The following SNRNP200 variants were observed in gnomAD, a reference collection of about 807,000 sequenced individuals.
SNRNP200 encodes U5 small nuclear ribonucleoprotein 200 kDa helicase.
SNRNP200 carries 66 observed loss-of-function variants against 255.2 expected under a neutral mutation model. That is an observed-to-expected ratio of 0.26 (90% CI 0.21 to 0.32). The LOEUF is 0.32. SNRNP200 is among the 10% of genes least tolerant of loss of function. SNRNP200 has a pLI of 1.00. For synonymous variants in SNRNP200, 939 were observed against 1,027.8 expected (o/e 0.91, Z 1.65); for missense variants, 1,585 against 2,749.8 (o/e 0.58, Z 9.47).
Position 96,283,567 on chromosome 2 carries a change from G to A in SNRNP200, c.4731C>T (p.Leu1577=), listed in dbSNP as rs2063821361. The stretch of plus-strand genomic sequence containing the variant: ...GTTGGATGTCTGCTGCACAGGTGGT[G>A]AGGATGTCAATGGCAGTGAGGCGGG... ...KQTRLTAIDI[L]TTCAADIQRQ... is the part of the protein sequence containing the mutation. Residue 1577 remains leucine, a synonymous_variant, in exon 33 of 45, where the codon CTC becomes CTT. Coordinates refer to ENST00000323853, the MANE Select transcript of SNRNP200 (RefSeq NM_014014.5). This position sits in a 1 kb window ranked among gnomAD's most constrained non-coding sequence, Gnocchi z 4.7. 6.2e-7 allele frequency: 1 copy of A among 1,614,128 alleles called. No homozygotes were observed. The highest frequency in any genetic ancestry group is 1.1e-5 in the South Asian group (1 of 91,076).
Position 96,278,469 on chromosome 2 carries a change from G to A in SNRNP200, c.5488+78C>T, listed in dbSNP as rs577382199. ...TGTCATCCCGCTGACAAACACGGGC[G>A]CACCTCTCATCCCAGTGGGCTCCTG... On this transcript the variant is annotated intron_variant, in intron 38 of 44. Coordinates refer to ENST00000323853, the MANE Select transcript of SNRNP200 (RefSeq NM_014014.5). This position sits in a 1 kb window ranked among gnomAD's most constrained non-coding sequence, Gnocchi z 6.9. 4.0e-5 allele frequency: 65 copies of A among 1,609,624 alleles called. No individual in the cohort carries two copies. Among genetic ancestry groups the A allele is most frequent in the East Asian group, 1.1e-4 (5 of 44,866 alleles).
Position 96,277,413 on chromosome 2 carries a change from G to A in SNRNP200, c.5931+126C>T, listed in dbSNP as rs916771932. On this transcript the variant is annotated intron_variant, in intron 41 of 44. Transcript: ENST00000323853. This position sits in a 1 kb window ranked among gnomAD's most constrained non-coding sequence, Gnocchi z 4.4. Reference sequence around the variant, plus strand: ...AGGCTCTCTAGCATCTCAACAGGGAGCACCTTCGGAGGAACCATAACTAAA... The same window carrying A: ...AGGCTCTCTAGCATCTCAACAGGGAACACCTTCGGAGGAACCATAACTAAA... 3 of 1,319,754 alleles carry A rather than the reference G, an allele frequency of 2.3e-6. No individual in the cohort carries two copies. Among genetic ancestry groups the A allele is most frequent in the African/African-American group, 2.9e-5 (2 of 69,300 alleles). The allele number at this position is 1,319,754 out of a possible 1,614,324, so 81.8% of individuals were successfully genotyped here.
In SNRNP200 at chr2:96,289,871, C is replaced by G; in HGVS notation, c.2868G>C (p.Leu956=). The G allele has an allele frequency of 6.2e-7, 1 of 1,614,168 alleles. No homozygotes were observed. Among genetic ancestry groups the G allele is most frequent in the Middle Eastern group, 1.7e-4 (1 of 6,058 alleles). Reference sequence around the variant, plus strand: ...CCAGCATCAGGGCAGCTGTATGAACCAGATCTAGTCGGCGCTGGTCCAGCA... The same window carrying G: ...CCAGCATCAGGGCAGCTGTATGAACGAGATCTAGTCGGCGCTGGTCCAGCA... The part of the protein sequence containing the change: ...DPLLDQRRLD[L]VHTAALMLDK... The change falls in exon 21 of 45, where the codon CTG becomes CTC. Residue 956 remains leucine (L), a synonymous_variant. Coordinates refer to ENST00000323853, the MANE Select transcript of SNRNP200 (RefSeq NM_014014.5).
chr2:96,304,963 T>C lies in SNRNP200; in HGVS notation c.46-95A>G, dbSNP rs926826535. On this transcript the variant is annotated intron_variant, in intron 1 of 44. Coordinates refer to ENST00000323853, the MANE Select transcript of SNRNP200 (RefSeq NM_014014.5). ...AGCTGATGGAAAAAATCGTAGTAAC[T>C]AGTTGCTTATCATCACTAATCGTAA... The C allele has an allele frequency of 4.4e-6, 6 of 1,349,026 alleles. No homozygotes were observed. In the African/African-American group the frequency reaches 5.8e-5, roughly 13 times the overall value. 83.6% of individuals were successfully genotyped at this position (1,349,026 alleles called of 1,614,324 possible).
In SNRNP200 at chr2:96,291,739, G is replaced by T. The variant is rs761148767; in HGVS notation, c.2310+12C>A. On this transcript the variant is annotated intron_variant, in intron 17 of 44. Coordinates refer to ENST00000323853, the MANE Select transcript of SNRNP200 (RefSeq NM_014014.5). This position sits in a 1 kb window ranked among gnomAD's most constrained non-coding sequence, Gnocchi z 4.2. ...AGGTAGGAATGAGAGAACCCAGCTG[G>T]CCCCTCCTCACCTTGCACTGCTCAG... The T allele has an allele frequency of 1.9e-6, 3 of 1,613,822 alleles. No homozygotes were observed. The highest frequency in any genetic ancestry group is 2.2e-5 in the South Asian group (2 of 91,082).
Position 96,274,860 on chromosome 2 carries a change from GA to G in SNRNP200, c.*151del. Reference sequence around the variant, plus strand: ...GTCACTGGATCCAGAGTGAGCAAGGGAAAGGAAGTGGAGGTAGGCGGGGACA... The same window carrying G: ...GTCACTGGATCCAGAGTGAGCAAGGGAAGGAAGTGGAGGTAGGCGGGGACA... On this transcript the variant is annotated 3_prime_UTR_variant, in exon 45 of 45. Coordinates refer to ENST00000323853, the MANE Select transcript of SNRNP200 (RefSeq NM_014014.5). 1 of 816,552 alleles carries G rather than the reference GA, an allele frequency of 1.2e-6. No individual in the cohort carries two copies. The highest frequency in any genetic ancestry group is 2.1e-6 in the Non-Finnish European group (1 of 473,470). The allele number at this position is 816,552 out of a possible 1,614,324, so 50.6% of individuals were successfully genotyped here.
At position 96,305,497 on chromosome 2, in the gene SNRNP200, C is replaced by T; in HGVS notation, c.-60G>A. ...CCTCCCTACCGCAAGCTGCAAACGG[C>T]CGCAGATCTCTGCTCCCGCCGCGCC... is the stretch of plus-strand genomic sequence containing the variant. On this transcript the variant is annotated 5_prime_UTR_variant, in exon 1 of 45. Transcript: ENST00000323853. The T allele has an allele frequency of 3.1e-6, 5 of 1,608,000 alleles. 1 individual carries two copies. The highest frequency in any genetic ancestry group is 1.7e-4 in the Middle Eastern group (1 of 6,052).
At position 96,286,368 on chromosome 2, in the gene SNRNP200, C is replaced by A. The variant is rs767345815; in HGVS notation, c.3946G>T (p.Ala1316Ser). 4 of 1,614,182 alleles carry A rather than the reference C, an allele frequency of 2.5e-6. No individual in the cohort carries two copies. The highest frequency in any genetic ancestry group is 1.7e-5 in the Admixed American group (1 of 60,018). ...PLPVSALRNS[A>S]FESLYQDKFP... is the part of the protein sequence containing the mutation. ...TTATCTTGGTAAAGACTCTCAAAGGCACTGTTTCTCAGAGCAGACACGGGC... is the reference window on the plus strand; with the variant it reads ...TTATCTTGGTAAAGACTCTCAAAGGAACTGTTTCTCAGAGCAGACACGGGC... The change falls in exon 29 of 45, where the codon GCC (alanine) becomes TCC (serine). Residue 1316 changes from alanine (A) to serine (S), a missense_variant. Physicochemically the swap from Ala to Ser is moderately conservative, Grantham distance 99. Around this residue, in one of 9 missense-constraint regions of SNRNP200, gnomAD observed 719 missense variants for 1,091.1 expected, o/e 0.66. Transcript: ENST00000323853. The surrounding 1 kb of genome is among the most constrained non-coding windows in gnomAD (Gnocchi z 4.8).
In SNRNP200 at chr2:96,290,823, G is replaced by A. The variant is rs79583389; in HGVS notation, c.2422-8C>T. On this transcript the variant is annotated splice_region_variant and splice_polypyrimidine_tract_variant and intron_variant, in intron 18 of 44. Transcript: ENST00000323853. The surrounding 1 kb of genome is among the most constrained non-coding windows in gnomAD (Gnocchi z 4.5). ...TGCTGTGGAAACTAAAACCTACAGAGGCAAAACAAGGTAATGAGGAGAACA... is the reference window on the plus strand; with the variant it reads ...TGCTGTGGAAACTAAAACCTACAGAAGCAAAACAAGGTAATGAGGAGAACA... 7,308 of 1,614,070 alleles carry A rather than the reference G, an allele frequency of 4.5e-3. 300 individuals carry two copies. In the African/African-American group the frequency reaches 0.088, roughly 20 times the overall value.
intron 35 of SNRNP200, among the ~76,000 whole-genome samples, chr2:96,280,136 T>C (rs1684735044): frequency 6.6e-6 from 1 of 152,138 alleles, no homozygotes; most frequent in Admixed American, 6.6e-5. Flanking sequence ...TAGAAGCAGG[T>C]TCAAACATTA....
At position 96,283,800 on chromosome 2, in the gene SNRNP200, G is replaced by A. The variant is rs1416233236; in HGVS notation, c.4584+13C>T. ...GTGACACCCCACAGACGGATGAGGA[G>A]AGTGGGTCCTACCTGGATGTGCAGC... On this transcript the variant is annotated intron_variant, in intron 32 of 44. Transcript: ENST00000323853. This position sits in a 1 kb window ranked among gnomAD's most constrained non-coding sequence, Gnocchi z 4.7. 1 of 1,613,600 alleles carries A rather than the reference G, an allele frequency of 6.2e-7. No individual in the cohort carries two copies. Among genetic ancestry groups the A allele is most frequent in the South Asian group, 1.1e-5 (1 of 91,050 alleles).
At chr2:96,295,742 G>A in intron 13 of SNRNP200, 84 bp from the exon 14 acceptor site, 2 of 1,413,662 alleles carry the variant, frequency 1.4e-6, no homozygotes, top group Middle Eastern at 1.8e-4. Flanking sequence ...GGAGTGTAGG[G>A]CATTGGGAGC....
Position 96,291,443 on chromosome 2 carries a change from G to C in SNRNP200, c.2370C>G (p.Thr790=). 6.2e-7 allele frequency: 1 copy of C among 1,613,280 alleles called. No individual in the cohort carries two copies. Among genetic ancestry groups the C allele is most frequent in the Non-Finnish European group, 8.5e-7 (1 of 1,179,256 alleles). ...CCTCCACGAGTGTTCGGTCAACCCT[G>C]GTCATGCCTGCGTGATGAATAGCAA... ...YGFAIHHAGM[T]RVDRTLVEDL... Residue 790 remains threonine, a synonymous_variant, in exon 18 of 45, where the codon ACC becomes ACG. Coordinates refer to ENST00000323853, the MANE Select transcript of SNRNP200 (RefSeq NM_014014.5). This position sits in a 1 kb window ranked among gnomAD's most constrained non-coding sequence, Gnocchi z 4.2.
At chr2:96,301,889 G>A (rs2063954925) in intron 3 of SNRNP200, among the ~76,000 whole-genome samples, 173 bp from the exon 4 acceptor site, 1 of 152,218 alleles carries the variant, frequency 6.6e-6, no homozygotes, top group African/African-American at 2.4e-5. Flanking sequence ...AGACTTGTCT[G>A]TTTTTAAAAA....
rs547311111 is a variant in SNRNP200 at position 96,283,011 on chromosome 2, G to A, written c.4915+190C>T. On this transcript the variant is annotated intron_variant, in intron 34 of 44. Transcript: ENST00000323853. The surrounding 1 kb of genome is among the most constrained non-coding windows in gnomAD (Gnocchi z 4.7). ...CCTGTTTTCTCACCTGGCAAGTAGGGATAGTGTTTGTCTCACCTGCCTCAC... is the reference window on the plus strand; with the variant it reads ...CCTGTTTTCTCACCTGGCAAGTAGGAATAGTGTTTGTCTCACCTGCCTCAC... 1.4e-6 allele frequency: 1 copy of A among 706,258 alleles called. No individual in the cohort carries two copies. Among genetic ancestry groups the A allele is most frequent in the Non-Finnish European group, 2.5e-6 (1 of 405,958 alleles). The allele number at this position is 706,258 out of a possible 1,614,324, so 43.7% of individuals were successfully genotyped here. A position where few individuals can be genotyped will look rare whatever the true frequency, so the allele number is the denominator to read the frequency against.
intron 31 of SNRNP200, 89 bp downstream of exon 31, chr2:96,284,269 C>A: frequency 8.4e-7 from 1 of 1,186,768 alleles, no homozygotes; most frequent in East Asian, 2.3e-5. Flanking sequence ...AGCCCCGAGC[C>A]TCCGTCCTCA....
intron 4 of SNRNP200, 91 bp downstream of exon 4, chr2:96,301,433 T>G: frequency 7.5e-7 from 1 of 1,334,252 alleles, no homozygotes; most frequent in Non-Finnish European, 1.1e-6. Flanking sequence ...TCACTGACAT[T>G]AAGGTTTTTA....
intron 29 of SNRNP200, among the ~76,000 whole-genome samples, chr2:96,285,994 A>T (rs1041975549): frequency 1.3e-5 from 2 of 152,212 alleles, no homozygotes; most frequent in Non-Finnish European, 2.9e-5. Flanking sequence ...TGATGTGGTG[A>T]GGAGGCTTCA....
Position 96,290,051 on chromosome 2 carries a change from A to G in SNRNP200, c.2743-55T>C. The G allele has an allele frequency of 4.6e-6, 7 of 1,524,792 alleles. No homozygotes were observed. The highest frequency in any genetic ancestry group is 6.4e-6 in the Non-Finnish European group (7 of 1,099,050). 94.5% of individuals were successfully genotyped at this position (1,524,792 alleles called of 1,614,324 possible). ...TGGAGAAACTCTTGATGTCCAAATGACAGGCTCCCATGAATTGCTTAGAAA... is the reference window on the plus strand; with the variant it reads ...TGGAGAAACTCTTGATGTCCAAATGGCAGGCTCCCATGAATTGCTTAGAAA... On this transcript the variant is annotated intron_variant, in intron 20 of 44. Transcript: ENST00000323853. The surrounding 1 kb of genome is among the most constrained non-coding windows in gnomAD (Gnocchi z 4.5).
Sources: gnomAD v4.1 joint callset for allele counts (sites outside exome capture counted in the v4.1 genomes callset) on GRCh38, gnomAD v4.1.1 for gene constraint, gnomAD v4.1.1 regional missense constraint, Gnocchi (gnomAD v3.1) non-coding constraint, MANE v1.5 for transcripts, NCBI Gene and HGNC (gene_info 2026-07-23, HGNC 2026-07-21) for gene names.